The following DEPTOR variants were observed in gnomAD, a reference collection of about 807,000 sequenced individuals.
DEPTOR encodes the protein DEP domain containing MTOR interacting protein, also known as DEP domain-containing mTOR-interacting protein.
In DEPTOR, 41 loss-of-function variants were observed where a neutral mutation model predicts 41.6. That is an observed-to-expected ratio of 0.98 (90% CI 0.77 to 1.28). The LOEUF (loss-of-function observed/expected upper bound fraction) is 1.28. DEPTOR is among the 50% of genes most tolerant of loss of function. DEPTOR has a pLI of 0.00. For missense variants in DEPTOR, 514 were observed against 527.9 expected, an observed-to-expected ratio of 0.97 and a Z score of 0.26; for synonymous variants, 195 against 192.3, an observed-to-expected ratio of 1.01 and a Z score of -0.12.
At chr8:119,941,373 CAAAA>C (rs749120675) in intron 3 of DEPTOR, among the ~76,000 whole-genome samples, 1 of 39,964 alleles carries the variant, frequency 2.5e-5, no homozygotes, top group African/African-American at 1.2e-4. Flanking sequence ...ATCTCCATCT[CAAAA>C]AAAAAAAAAA....
At chr8:120,032,709 C>T (rs1019161057) in intron 8 of DEPTOR, among the ~76,000 whole-genome samples, 22 of 152,280 alleles carry the variant, frequency 1.4e-4, no homozygotes, top group Non-Finnish European at 2.5e-4. Context: ...AGCACCTCTG[C>T]GTCTACCTCT....
At chr8:119,993,032 A>G (rs892651249) in intron 4 of DEPTOR, among the ~76,000 whole-genome samples, 3 of 152,202 alleles carry the variant, frequency 2.0e-5, no homozygotes, top group Non-Finnish European at 4.4e-5. Context: ...GACTACATGC[A>G]TGAGTTGAAT....
intron 4 of DEPTOR, among the ~76,000 whole-genome samples, chr8:119,983,792 C>A (rs1177882415): frequency 6.6e-6 from 1 of 151,686 alleles, no homozygotes; most frequent in Non-Finnish European, 1.5e-5. Context: ...AAGCTATGAA[C>A]AATATAGAAA....
intron 8 of DEPTOR, among the ~76,000 whole-genome samples, chr8:120,021,481 T>C (rs1450469825): frequency 6.6e-6 from 1 of 152,240 alleles, no homozygotes; most frequent in Non-Finnish European, 1.5e-5. Context: ...TAAATATTTC[T>C]GGGTGTCATT....
intron 1 of DEPTOR, among the ~76,000 whole-genome samples, chr8:119,904,569 A>G (rs538256821): frequency 6.6e-6 from 1 of 152,032 alleles, no homozygotes; most frequent in Non-Finnish European, 1.5e-5. Flanking sequence ...ATCTTGACTC[A>G]CTGCAACCTC....
At chr8:119,990,339 A>G (rs1208478359) in intron 4 of DEPTOR, among the ~76,000 whole-genome samples, 1 of 152,018 alleles carries the variant, frequency 6.6e-6, no homozygotes, top group East Asian at 1.9e-4. Context: ...TTGTATTTTT[A>G]GTAGAGACGG....
At chr8:119,972,635 A>G (rs865937889) in intron 4 of DEPTOR, among the ~76,000 whole-genome samples, 1,032 of 65,198 alleles carry the variant, frequency 0.016, 11 homozygotes, top group African/African-American at 0.05. Flanking sequence ...AAAAAAAAAA[A>G]AAAAAAAAAA....
intron 4 of DEPTOR, among the ~76,000 whole-genome samples, chr8:119,986,389 G>A (rs1828830554): frequency 6.6e-6 from 1 of 152,140 alleles, no homozygotes; most frequent in African/African-American, 2.4e-5. Flanking sequence ...TTTCTTCTGA[G>A]AGATCTGCTC....
chr8:120,021,959 A>G (rs555778751), intron 8 of DEPTOR, among the ~76,000 whole-genome samples: 1 of 152,190 alleles, frequency 6.6e-6, no homozygotes, highest in East Asian at 1.9e-4. Flanking sequence ...CAACCTAGGC[A>G]ACATAGCAAG....
intron 4 of DEPTOR, among the ~76,000 whole-genome samples, chr8:119,987,608 A>C (rs1447816954): frequency 6.6e-6 from 1 of 152,156 alleles, no homozygotes; most frequent in Non-Finnish European, 1.5e-5. Context: ...AGGGAGGTTT[A>C]GGTCTGCTGA....
At chr8:120,047,629 G>A (rs925502726) in intron 8 of DEPTOR, among the ~76,000 whole-genome samples, 23 of 151,970 alleles carry the variant, frequency 1.5e-4, no homozygotes, top group Non-Finnish European at 2.1e-4. Context: ...CACCTGCCTC[G>A]GCCTCCCAAA....
intron 3 of DEPTOR, among the ~76,000 whole-genome samples, chr8:119,960,118 G>A (rs1828471234): frequency 6.6e-6 from 1 of 151,926 alleles, no homozygotes; most frequent in Non-Finnish European, 1.5e-5. Flanking sequence ...CAGCAACTCA[G>A]GAGGCTGAGG....
chr8:120,002,787 A>ATATAT (rs1378218087), intron 5 of DEPTOR, among the ~76,000 whole-genome samples, 190 bp from the exon 6 acceptor site: 23 of 60,474 alleles, frequency 3.8e-4, no homozygotes, highest in African/African-American at 1.8e-3. Flanking sequence ...AAAAAAAAAA[A>ATATAT]AAAAATATAT....
intron 3 of DEPTOR, among the ~76,000 whole-genome samples, chr8:119,932,645 GCC>G (rs1828059972): frequency 2.6e-5 from 4 of 152,184 alleles, no homozygotes; most frequent in Non-Finnish European, 5.9e-5. Context: ...CTGTAGCAAA[GCC>G]CCTGCCTTCA....
chr8:119,963,170 G>C (rs1265864100), intron 3 of DEPTOR, among the ~76,000 whole-genome samples: 1 of 152,154 alleles, frequency 6.6e-6, no homozygotes, highest in Non-Finnish European at 1.5e-5. Context: ...AATGAGAAAA[G>C]AGGTATGTAG....
intron 3 of DEPTOR, among the ~76,000 whole-genome samples, chr8:119,956,734 T>G (rs1352334461): frequency 2.8e-5 from 3 of 108,950 alleles, no homozygotes; most frequent in East Asian, 2.0e-4. Flanking sequence ...TTTGTTTTTT[T>G]TTTTTGTTTT....
chr8:119,928,911 G>T (rs1178396921), intron 2 of DEPTOR, among the ~76,000 whole-genome samples: 1 of 152,010 alleles, frequency 6.6e-6, no homozygotes, highest in East Asian at 1.9e-4. Context: ...TTATTTCTAT[G>T]TACTGCTTTA....
At chr8:119,921,047 G>C (rs1447863866) in intron 1 of DEPTOR, among the ~76,000 whole-genome samples, 2 of 151,352 alleles carry the variant, frequency 1.3e-5, no homozygotes, top group Admixed American at 1.3e-4. Flanking sequence ...TACAATCTCA[G>C]CTCACTGCAA....
intron 1 of DEPTOR, among the ~76,000 whole-genome samples, chr8:119,884,131 C>T (rs1334516535): frequency 6.6e-6 from 1 of 152,202 alleles, no homozygotes; most frequent in Non-Finnish European, 1.5e-5. Flanking sequence ...GATCTTGGCT[C>T]ACCGCAACCT....
Sources: allele counts gnomAD v4.1 joint callset (sites outside exome capture counted in the v4.1 genomes callset), GRCh38; gene constraint gnomAD v4.1.1; transcripts MANE v1.5; gene names NCBI Gene and HGNC (gene_info 2026-07-23, HGNC 2026-07-21).